Variants in TMTC4 observed in about 807,000 individuals in gnomAD.
The protein encoded by TMTC4 is protein O-mannosyl-transferase TMTC4.
TMTC4 carries 65 observed loss-of-function variants against 86.0 expected under a neutral mutation model. That is an observed-to-expected ratio of 0.76 (90% confidence interval 0.62 to 0.93). The LOEUF is 0.93. Among genes scored for constraint, TMTC4 ranks in the 40% least tolerant of loss-of-function variants. TMTC4 has a pLI of 0.00. For synonymous variants in TMTC4, 379 were observed against 382.5 expected (o/e 0.99, Z 0.11); for missense variants, 866 against 948.1 (o/e 0.91, Z 1.14).
At chr13:100,675,053 C>T, upstream of TMTC4, 4 of 985,720 alleles carry the variant, frequency 4.1e-6, no homozygotes, top group Non-Finnish European at 4.8e-6. Flanking sequence ...GAAGGAGGCG[C>T]AGGGACAGAC....
intron 3 of TMTC4, among the ~76,000 whole-genome samples, chr13:100,664,677 C>G (rs779577600): frequency 1.4e-4 from 21 of 152,170 alleles, no homozygotes; most frequent in Non-Finnish European, 2.9e-4. Context: ...CAGTCACCCT[C>G]AACTCTTCAT....
intron 1 of TMTC4, among the ~76,000 whole-genome samples, chr13:100,671,858 GC>G (rs1472859811): frequency 5.5e-5 from 8 of 144,634 alleles, no homozygotes; most frequent in African/African-American, 2.1e-4. Context: ...TTTGGAAAAT[GC>G]CTTTCACTAG....
At chr13:100,636,863 G>T in intron 9 of TMTC4, 129 bp from the exon 10 acceptor site, 1 of 900,074 alleles carries the variant, frequency 1.1e-6, no homozygotes, top group Non-Finnish European at 1.7e-6. Context: ...CAAATAAAAT[G>T]TTGCCAACGT....
intron 1 of TMTC4, 190 bp downstream of exon 1, chr13:100,674,554 C>G: frequency 1.0e-6 from 1 of 982,062 alleles, no homozygotes. Flanking sequence ...CAGGGGCCCG[C>G]GTCCCCCGTG....
intron 17 of TMTC4, among the ~76,000 whole-genome samples, chr13:100,606,840 C>G (rs887486736): frequency 6.6e-6 from 1 of 152,198 alleles, no homozygotes; most frequent in East Asian, 1.9e-4. Context: ...TTCCTCTCCC[C>G]CAAGAACCTA....
chr13:100,666,751 G>C (rs567031601), intron 3 of TMTC4, among the ~76,000 whole-genome samples: 1 of 152,326 alleles, frequency 6.6e-6, no homozygotes, highest in Admixed American at 6.5e-5. Flanking sequence ...CCAGCACTTT[G>C]GGAGGCCAAG....
chr13:100,655,087 T>A (rs539095302), intron 6 of TMTC4, among the ~76,000 whole-genome samples: 1 of 141,958 alleles, frequency 7.0e-6, no homozygotes, highest in Non-Finnish European at 1.5e-5. Context: ...AGTGGCGCAA[T>A]CTCGGCTCAC....
intron 15 of TMTC4, among the ~76,000 whole-genome samples, chr13:100,617,957 C>T (rs1878773592): frequency 6.6e-6 from 1 of 152,154 alleles, no homozygotes; most frequent in African/African-American, 2.4e-5. Flanking sequence ...ATGATTCTTC[C>T]AATCCATGGT....
intron 5 of TMTC4, among the ~76,000 whole-genome samples, chr13:100,662,418 C>T (rs1885894162): frequency 6.6e-6 from 1 of 151,948 alleles, no homozygotes; most frequent in South Asian, 2.1e-4. Flanking sequence ...AAATTTTTAT[C>T]CTGCCAGGCC....
intron 4 of TMTC4, 101 bp downstream of exon 4, chr13:100,664,120 C>G: frequency 1.9e-6 from 2 of 1,025,742 alleles, no homozygotes; most frequent in Non-Finnish European, 2.8e-6. Flanking sequence ...GAGCCACTGA[C>G]TAGACTCCTG....
intron 6 of TMTC4, among the ~76,000 whole-genome samples, chr13:100,642,829 CCT>C (rs1883207886): frequency 6.6e-6 from 1 of 152,164 alleles, no homozygotes; most frequent in African/African-American, 2.4e-5. Context: ...TGCTCTGCTC[CCT>C]GTGTGGAACA....
In TMTC4 at chr13:100,617,432, A is replaced by G. The variant is rs1594244110; in HGVS notation, c.1837-3002T>C. On this transcript the variant is annotated intron_variant, in intron 15 of 18. Transcript: ENST00000342624. ...AATACAGGTGTGAGCCACTGAGCTCAGCCTCTTCTAGGATTCTTGTAGTTT... is the reference window on the plus strand; with the variant it reads ...AATACAGGTGTGAGCCACTGAGCTCGGCCTCTTCTAGGATTCTTGTAGTTT... Among the ~76,000 whole-genome samples, 6 of 152,244 alleles carry G rather than the reference A, an allele frequency of 3.9e-5. No individual in the cohort carries two copies. In the South Asian group the frequency reaches 1.2e-3, roughly 31 times the overall value.
At chr13:100,671,735 AG>A (rs1887127505) in intron 1 of TMTC4, among the ~76,000 whole-genome samples, 1 of 152,024 alleles carries the variant, frequency 6.6e-6, no homozygotes, top group Non-Finnish European at 1.5e-5. Context: ...TCTCTATCTC[AG>A]GGGGCTCCTT....
intron 12 of TMTC4, among the ~76,000 whole-genome samples, chr13:100,632,053 A>ACACACACTCTCTCTCTCT (rs1296569630): frequency 1.7e-3 from 72 of 43,106 alleles, no homozygotes; most frequent in Non-Finnish European, 2.8e-3. Flanking sequence ...ACACACACAC[A>ACACACACTCTCTCTCTCT]CTCTCTCTCT....
intron 5 of TMTC4, among the ~76,000 whole-genome samples, chr13:100,657,086 T>G (rs1425044343): frequency 6.6e-6 from 1 of 152,196 alleles, no homozygotes; most frequent in African/African-American, 2.4e-5. Context: ...AACTGTGTTC[T>G]TTAACACACG....
At position 100,619,281 on chromosome 13, in the gene TMTC4, CAG is replaced by C. The variant is rs200161982; in HGVS notation, c.1837-4853_1837-4852del. Among the ~76,000 whole-genome samples the C allele has an allele frequency of 1.9e-3, 286 of 151,472 alleles. 4 individuals carry two copies. The East Asian group carries it at 0.031, about 16-fold the overall frequency. ...TGAGAGGGAATGTTAACATTGGTAA[CAG>C]AATATAAAATGGCTAGCTCTCAATT... On this transcript the variant is annotated intron_variant, in intron 15 of 18. Coordinates refer to ENST00000342624, the MANE Select transcript of TMTC4 (RefSeq NM_032813.5).
In TMTC4 at chr13:100,653,928, TG is replaced by T. The variant is rs560158389; in HGVS notation, c.640+2452del. Among the ~76,000 whole-genome samples, 26 of 152,326 alleles carry T rather than the reference TG, an allele frequency of 1.7e-4. No individual in the cohort carries two copies. The South Asian group carries it at 5.4e-3, about 32-fold the overall frequency. ...CAGAAGATGCAAACTACTGTAGTTT[TG>T]TATTTTCCAAAGACCAAAGAGGCTG... is the stretch of plus-strand genomic sequence containing the variant. On this transcript the variant is annotated intron_variant, in intron 6 of 18. Transcript: ENST00000342624.
Position 100,668,756 on chromosome 13 carries a change from T to C in TMTC4, c.42A>G (p.Gln14=), listed in dbSNP as rs1173802388. 1.2e-6 allele frequency: 2 copies of C among 1,614,198 alleles called. No individual in the cohort carries two copies. The highest frequency in any genetic ancestry group is 1.7e-5 in the Admixed American group (1 of 60,026). Residue 14 remains glutamine (Q), a synonymous_variant, in exon 3 of 19, where the codon CAA becomes CAG. Coordinates refer to ENST00000342624, the MANE Select transcript of TMTC4 (RefSeq NM_032813.5). ...ACACGGCCATTCTGAAAACTGCAGG[T>C]TGGTGGCTCCCGGCTCCAGCATTAT... ...NQHNAGAGSH[Q]PAVFRMAVLD...
chr13:100,605,122 C>T lies in TMTC4; in HGVS notation c.2155G>A (p.Gly719Arg), dbSNP rs200326246. 1 of 1,610,502 alleles carries T rather than the reference C, an allele frequency of 6.2e-7. No individual in the cohort carries two copies. Among genetic ancestry groups the T allele is most frequent in the South Asian group, 1.1e-5 (1 of 90,238 alleles). The part of the protein sequence containing the change: ...GNLAVLYHRW[G>R]HLDLAKKHYE... ...TGTTTCTTGGCCAAGTCTAGATGTCCCCAACGATGATAAAGCACAGCTGAA... is the reference window on the plus strand; with the variant it reads ...TGTTTCTTGGCCAAGTCTAGATGTCTCCAACGATGATAAAGCACAGCTGAA... Residue 719 changes from glycine to arginine, a missense_variant, in exon 19 of 19, where the codon GGA becomes AGA. Coordinates refer to ENST00000342624, the MANE Select transcript of TMTC4 (RefSeq NM_032813.5). This position sits in a 1 kb window ranked among gnomAD's most constrained non-coding sequence, Gnocchi z 4.3.
Sources: gnomAD v4.1 joint callset for allele counts (sites outside exome capture counted in the v4.1 genomes callset) on GRCh38, gnomAD v4.1.1 for gene constraint, Gnocchi (gnomAD v3.1) non-coding constraint, MANE v1.5 for transcripts, NCBI Gene and HGNC (gene_info 2026-07-23, HGNC 2026-07-21) for gene names.